Variants in ODR4 observed in about 807,000 individuals in gnomAD.
ODR4 encodes the protein protein odr-4 homolog.
Under a neutral mutation model 60.2 loss-of-function variants are expected in ODR4, and 47 were observed. The observed-to-expected ratio is 0.78, with a 90% confidence interval of 0.62 to 1.00. The LOEUF (loss-of-function observed/expected upper bound fraction) is 1.00, where lower values mean the gene tolerates loss of function less well. Ranked by LOEUF, ODR4 falls within the 50% of genes least tolerant of loss-of-function variation. The probability of loss-of-function intolerance (pLI) is 0.00; values close to 1 mark genes in which losing one functional copy is unlikely to be tolerated. For synonymous variants in ODR4, 178 were observed against 175.5 expected, an observed-to-expected ratio of 1.01 and a Z score of -0.11; for missense variants, 488 against 530.8, an observed-to-expected ratio of 0.92 and a Z score of 0.79.
the ODR4 span, among the ~76,000 whole-genome samples, chr1:186,429,902 T>C: frequency 6.6e-6 from 1 of 152,174 alleles, no homozygotes; most frequent in East Asian, 1.9e-4. Context: ...TGAGGTCTCA[T>C]AAAATTTATA....
intron 11 of ODR4, chr1:186,401,322 A>G (rs765438849): frequency 8.3e-5 from 57 of 687,862 alleles, no homozygotes; most frequent in Non-Finnish European, 1.2e-4. Context: ...TTTACTGGCA[A>G]TTGGGTGGCC....
chr1:186,398,252 A>T (rs747597386), intron 9 of ODR4, 61 bp from the exon 10 acceptor site: 3 of 1,409,760 alleles, frequency 2.1e-6, no homozygotes, highest in Non-Finnish European at 2.8e-6. Context: ...TATAATGTTT[A>T]AATATTTCCT....
At chr1:186,401,248 A>G (rs764145207) in intron 11 of ODR4, 1 of 1,346,466 alleles carries the variant, frequency 7.4e-7, no homozygotes, top group Non-Finnish European at 1.0e-6. Flanking sequence ...TTGTATGTTA[A>G]ACTTGATACA....
chr1:186,401,832 T>TTTGC, intron 11 of ODR4, among the ~76,000 whole-genome samples: 1 of 98,892 alleles, frequency 1.0e-5, no homozygotes. Context: ...TTTTTGTGTC[T>TTTGC]TTGGTTTTGG....
chr1:186,393,845 GT>G, intron 8 of ODR4, 101 bp from the exon 9 acceptor site: 1 of 655,200 alleles, frequency 1.5e-6, no homozygotes. Flanking sequence ...TAAAAGACTT[GT>G]TTTTTTCTAA....
At chr1:186,415,366 G>A (rs1661524800) in intron 12 of ODR4, among the ~76,000 whole-genome samples, 2 of 152,168 alleles carry the variant, frequency 1.3e-5, no homozygotes, top group South Asian at 4.1e-4. Flanking sequence ...GGGGTGCAAA[G>A]ATGTCTATAA....
the ODR4 span, among the ~76,000 whole-genome samples, chr1:186,427,805 A>G: frequency 1.3e-5 from 2 of 152,248 alleles, no homozygotes; most frequent in Non-Finnish European, 2.9e-5. Flanking sequence ...CCATGGTCTG[A>G]AGAATAGATG....
intron 2 of ODR4, 118 bp downstream of exon 2, chr1:186,380,002 A>G: frequency 3.5e-6 from 2 of 565,918 alleles, no homozygotes; most frequent in Non-Finnish European, 5.7e-6. Context: ...AGATTGGGGG[A>G]TGGAAGAAGA....
At chr1:186,421,861 C>CA (rs781496268), downstream of ODR4, among the ~76,000 whole-genome samples, 1,417 of 29,132 alleles carry the variant, frequency 0.049, 36 homozygotes, top group East Asian at 0.14. Flanking sequence ...GACTCTATCT[C>CA]AAAAAAAAAA....
chr1:186,390,563 CTA>C, intron 6 of ODR4, 146 bp from the exon 7 acceptor site: 1 of 765,754 alleles, frequency 1.3e-6, no homozygotes, highest in Non-Finnish European at 2.1e-6. Flanking sequence ...TTAGTTCAAC[CTA>C]TAGTCTTTTG....
chr1:186,408,218 G>A (rs1661241675), intron 12 of ODR4, among the ~76,000 whole-genome samples: 2 of 151,890 alleles, frequency 1.3e-5, no homozygotes, highest in Non-Finnish European at 2.9e-5. Flanking sequence ...TGGTGGAGCT[G>A]GAATTTAAAC....
Position 186,419,984 on chromosome 1 carries a change from T to C in ODR4, c.*908T>C, listed in dbSNP as rs1472928312. 3 of 152,136 alleles carry C rather than the reference T, an allele frequency of 2.0e-5. No homozygotes were observed. The highest frequency in any genetic ancestry group is 7.2e-5 in the African/African-American group (3 of 41,440). The allele number at this position is 152,136 out of a possible 1,614,324, so 9.4% of individuals were successfully genotyped here. On this transcript the variant is annotated 3_prime_UTR_variant, in exon 14 of 14. Coordinates refer to ENST00000287859, the MANE Select transcript of ODR4 (RefSeq NM_017847.6). ...CTTTCTCAGGTTACTGTATAACTGT[T>C]ATAATATATTTAATATATAAAATTA...
intron 1 of ODR4, 37 bp from the exon 2 acceptor site, chr1:186,379,730 T>G (rs1659953012): frequency 9.1e-7 from 1 of 1,103,062 alleles, no homozygotes; most frequent in African/African-American, 1.6e-5. Flanking sequence ...AAATGATATT[T>G]TACCTAAATG....
the ODR4 span, among the ~76,000 whole-genome samples, chr1:186,428,286 A>G: frequency 6.6e-6 from 1 of 152,216 alleles, no homozygotes; most frequent in Non-Finnish European, 1.5e-5. Context: ...CAGCTTCTAC[A>G]TCAGTACTTG....
intron 12 of ODR4, among the ~76,000 whole-genome samples, chr1:186,416,640 C>A (rs1320676048): frequency 2.0e-5 from 3 of 151,848 alleles, no homozygotes; most frequent in Non-Finnish European, 4.4e-5. Context: ...CCATTGCACT[C>A]CAGCCTAGGC....
chr1:186,416,709 A>G (rs547311426), intron 12 of ODR4, among the ~76,000 whole-genome samples: 7 of 151,212 alleles, frequency 4.6e-5, no homozygotes, highest in African/African-American at 1.2e-4. Flanking sequence ...TGCAAAAATT[A>G]GCCAGGTGTG....
chr1:186,389,117 A>G (rs538583374), intron 5 of ODR4, among the ~76,000 whole-genome samples: 1 of 152,164 alleles, frequency 6.6e-6, no homozygotes, highest in African/African-American at 2.4e-5. Flanking sequence ...ACAGAATTTT[A>G]AAAGTGACCA....
In ODR4 at chr1:186,390,833, T is replaced by G; in HGVS notation, c.597T>G (p.Thr199=). The change falls in exon 7 of 14, where the codon ACT becomes ACG. Residue 199 remains threonine (T), a synonymous_variant. Coordinates refer to ENST00000287859, the MANE Select transcript of ODR4 (RefSeq NM_017847.6). The part of the protein sequence containing the change: ...IPLSATSVSY[T]LEKNTKNGLT... The stretch of plus-strand genomic sequence containing the variant: ...TTTCTGCTACTTCTGTCAGCTATAC[T>G]CTGGAGAAAAATACAAAGGTACCAG... 1 of 1,612,598 alleles carries G rather than the reference T, an allele frequency of 6.2e-7. No individual in the cohort carries two copies. Among genetic ancestry groups the G allele is most frequent in the Non-Finnish European group, 8.5e-7 (1 of 1,179,120 alleles).
At chr1:186,395,845 C>T (rs751518756) in intron 9 of ODR4, among the ~76,000 whole-genome samples, 1 of 151,976 alleles carries the variant, frequency 6.6e-6, no homozygotes, top group Non-Finnish European at 1.5e-5. Flanking sequence ...GTACAACAGC[C>T]GGACACTGAT....
Sources: allele counts gnomAD v4.1 joint callset (sites outside exome capture counted in the v4.1 genomes callset), GRCh38; gene constraint gnomAD v4.1.1; transcripts MANE v1.5; gene names NCBI Gene and HGNC (gene_info 2026-07-23, HGNC 2026-07-21).